DLGAP2: variants seen among roughly 807,000 people sequenced by gnomAD.
DLGAP2 encodes disks large-associated protein 2.
DLGAP2 carries 26 observed loss-of-function variants against 100.3 expected under a neutral mutation model. That is an observed-to-expected ratio of 0.26 (90% CI 0.19 to 0.36). DLGAP2 has a LOEUF of 0.36. Ranked by LOEUF, DLGAP2 falls within the 10% of genes least tolerant of loss-of-function variation. The pLI is 1.00. For synonymous variants in DLGAP2, 886 were observed against 630.1 expected (o/e 1.41, Z -6.08); for missense variants, 1,858 against 1,453.2 (o/e 1.28, Z -4.53).
intron 7 of DLGAP2, among the ~76,000 whole-genome samples, chr8:1,632,402 G>C (rs771608982): frequency 1.3e-5 from 2 of 152,106 alleles, no homozygotes; most frequent in Non-Finnish European, 2.9e-5. Flanking sequence ...TCCCTTATAC[G>C]GCCTCAGTGC....
At chr8:1,186,997 C>G (rs1327253136) in intron 2 of DLGAP2, among the ~76,000 whole-genome samples, 1 of 152,190 alleles carries the variant, frequency 6.6e-6, no homozygotes, top group African/African-American at 2.4e-5. Flanking sequence ...ATTGAACAAT[C>G]TAAGCCCGGC....
At position 927,272 on chromosome 8, in the gene DLGAP2, G is replaced by T. The variant is rs946695977; in HGVS notation, c.73+19306G>T. 5 of 977,534 alleles carry T rather than the reference G, an allele frequency of 5.1e-6. No homozygotes were observed. The African/African-American group carries it at 7.0e-5, about 14-fold the overall frequency. The allele number at this position is 977,534 out of a possible 1,614,324, so 60.6% of individuals were successfully genotyped here. A position where few individuals can be genotyped will look rare whatever the true frequency, so the allele number is the denominator to read the frequency against. On this transcript the variant is annotated intron_variant, in intron 2 of 14. Transcript: ENST00000637795. ...TGATGGAGGACAGTGATGAGCCTAT[G>T]GGGATTTTCTTGAAGCTTCTGTGGC...
intron 2 of DLGAP2, among the ~76,000 whole-genome samples, chr8:1,066,499 C>G (rs1303246170): frequency 6.9e-6 from 1 of 145,512 alleles, no homozygotes; most frequent in African/African-American, 2.6e-5. Context: ...ACGGTCAGGT[C>G]TGAGTGAGGA....
At chr8:1,617,249 G>T (rs1797185338) in intron 6 of DLGAP2, among the ~76,000 whole-genome samples, 1 of 152,172 alleles carries the variant, frequency 6.6e-6, no homozygotes, top group African/African-American at 2.4e-5. Context: ...ACACAATAAT[G>T]GGATTGCTGG....
chr8:792,625 TTG>T (rs1795939403), intron 1 of DLGAP2, among the ~76,000 whole-genome samples: 1 of 152,192 alleles, frequency 6.6e-6, no homozygotes, highest in Admixed American at 6.5e-5. Flanking sequence ...AATACCAACA[TTG>T]TTTGTATCTC....
intron 3 of DLGAP2, among the ~76,000 whole-genome samples, chr8:1,442,833 C>G (rs1226034157): frequency 3.3e-5 from 5 of 149,626 alleles, no homozygotes; most frequent in Non-Finnish European, 7.4e-5. Context: ...GGCATAGACC[C>G]TCTAGGCTGC....
chr8:949,047 G>C (rs1799408510), intron 2 of DLGAP2, among the ~76,000 whole-genome samples: 1 of 152,240 alleles, frequency 6.6e-6, no homozygotes, highest in African/African-American at 2.4e-5. Flanking sequence ...ACGCCAGGGT[G>C]GGAGCAGGGC....
intron 3 of DLGAP2, among the ~76,000 whole-genome samples, chr8:1,449,720 C>G (rs374079486): frequency 2.0e-5 from 3 of 152,248 alleles, no homozygotes; most frequent in East Asian, 1.9e-4. Context: ...GCTGCCAGGA[C>G]AAGCCTTGCT....
At chr8:1,580,255 A>C (rs1177512369) in intron 6 of DLGAP2, among the ~76,000 whole-genome samples, 1 of 152,208 alleles carries the variant, frequency 6.6e-6, no homozygotes, top group African/African-American at 2.4e-5. Flanking sequence ...GGCCTGGCTA[A>C]ATGGGAAGCA....
chr8:1,437,475 T>C (rs1797679145), intron 3 of DLGAP2, among the ~76,000 whole-genome samples: 1 of 152,220 alleles, frequency 6.6e-6, no homozygotes, highest in African/African-American at 2.4e-5. Context: ...GGTGAAGCGC[T>C]ATTTTACCAA....
chr8:1,633,111 A>G, intron 8 of DLGAP2, 65 bp downstream of exon 8: 1 of 1,536,690 alleles, frequency 6.5e-7, no homozygotes. Context: ...TTCATCCTAG[A>G]AGGAGCGAGC....
intron 3 of DLGAP2, among the ~76,000 whole-genome samples, chr8:1,458,151 C>T (rs1759027398): frequency 6.6e-6 from 1 of 151,350 alleles, no homozygotes; most frequent in African/African-American, 2.4e-5. Context: ...CGTGATCCAC[C>T]CGCCTCGGCC....
At chr8:1,479,019 A>T (rs1401047427) in intron 3 of DLGAP2, among the ~76,000 whole-genome samples, 1 of 152,242 alleles carries the variant, frequency 6.6e-6, no homozygotes, top group Non-Finnish European at 1.5e-5. Flanking sequence ...TTCACAAATG[A>T]TGCTGAAACA....
intron 1 of DLGAP2, among the ~76,000 whole-genome samples, chr8:862,237 A>G (rs997402417): frequency 4.6e-5 from 7 of 151,670 alleles, no homozygotes; most frequent in Admixed American, 4.6e-4. Flanking sequence ...CCTGTGGTGG[A>G]CGGTACCCTT....
intron 2 of DLGAP2, among the ~76,000 whole-genome samples, chr8:996,643 T>G (rs1381433088): frequency 6.6e-6 from 1 of 152,230 alleles, no homozygotes; most frequent in East Asian, 1.9e-4. Context: ...CAGAAGGTTT[T>G]GTCTGTTCAG....
chr8:1,071,578 T>G (rs963039419), intron 2 of DLGAP2, among the ~76,000 whole-genome samples: 1 of 152,228 alleles, frequency 6.6e-6, no homozygotes, highest in Non-Finnish European at 1.5e-5. Context: ...CTTTCCATTT[T>G]CTATTTTCTG....
At position 1,409,677 on chromosome 8, in the gene DLGAP2, A is replaced by G. The variant is rs76693065; in HGVS notation, c.107-91689A>G. ...GAAGGACCAGCGTTTGAATCAGGGA[A>G]TGAGTAAAGCAGACCCCACCCCAGT... is the stretch of plus-strand genomic sequence containing the variant. On this transcript the variant is annotated intron_variant, in intron 3 of 14. Coordinates refer to ENST00000637795, the MANE Select transcript of DLGAP2 (RefSeq NM_001346810.2). Among the ~76,000 whole-genome samples, 533 of 152,258 alleles carry G rather than the reference A, an allele frequency of 3.5e-3. 9 individuals are homozygous for G. In the East Asian group the frequency reaches 0.047, roughly 14 times the overall value.
At chr8:1,228,570 T>C (rs1798470541) in intron 2 of DLGAP2, among the ~76,000 whole-genome samples, 1 of 152,162 alleles carries the variant, frequency 6.6e-6, no homozygotes, top group Non-Finnish European at 1.5e-5. Flanking sequence ...AACTAGCAAA[T>C]TGAATCCAGC....
chr8:1,362,590 A>T (rs547677937), intron 3 of DLGAP2, among the ~76,000 whole-genome samples: 2 of 152,226 alleles, frequency 1.3e-5, no homozygotes, highest in South Asian at 4.2e-4. Flanking sequence ...CACCATGGAA[A>T]ATTCTGACGC....
Sources: allele counts gnomAD v4.1 joint callset (sites outside exome capture counted in the v4.1 genomes callset), GRCh38; gene constraint gnomAD v4.1.1; transcripts MANE v1.5; gene names NCBI Gene and HGNC (gene_info 2026-07-23, HGNC 2026-07-21).